Variants in ERBB4 observed in about 807,000 individuals in gnomAD.
ERBB4 encodes receptor tyrosine-protein kinase erbB-4.
In ERBB4, 42 loss-of-function variants were observed where a neutral mutation model predicts 158.0. The observed-to-expected ratio is 0.27, with a 90% CI of 0.21 to 0.34. ERBB4 has a LOEUF of 0.34. Among genes scored for constraint, ERBB4 ranks in the 10% least tolerant of loss-of-function variants. ERBB4 has a pLI of 1.00. For missense variants in ERBB4, 1,333 were observed against 1,624.1 expected, an observed-to-expected ratio of 0.82 and a Z score of 3.08; for synonymous variants, 583 against 558.7, an observed-to-expected ratio of 1.04 and a Z score of -0.61.
chr2:212,088,660 T>G (rs2078685814), intron 2 of ERBB4, among the ~76,000 whole-genome samples: 1 of 152,082 alleles, frequency 6.6e-6, no homozygotes, highest in African/African-American at 2.4e-5. Flanking sequence ...CCATTGCCAG[T>G]GAGAAAGCTA....
intron 20 of ERBB4, among the ~76,000 whole-genome samples, chr2:211,508,525 G>A (rs1273183777): frequency 1.3e-5 from 2 of 152,130 alleles, no homozygotes; most frequent in Non-Finnish European, 2.9e-5. Context: ...TACACTACTG[G>A]TGGGAGTGCA....
At chr2:211,408,726 C>T (rs1046258545) in intron 25 of ERBB4, among the ~76,000 whole-genome samples, 3 of 152,260 alleles carry the variant, frequency 2.0e-5, no homozygotes, top group Middle Eastern at 3.4e-3. Flanking sequence ...ACCTGACACT[C>T]GTCTGGTATT....
intron 12 of ERBB4, among the ~76,000 whole-genome samples, chr2:211,689,368 GT>G (rs2072705529): frequency 1.3e-5 from 2 of 151,994 alleles, no homozygotes; most frequent in Non-Finnish European, 2.9e-5. Flanking sequence ...CTACTTTTTT[GT>G]TGTTGTTTTT....
intron 5 of ERBB4, among the ~76,000 whole-genome samples, chr2:211,744,078 AG>A (rs2074882741): frequency 6.6e-6 from 1 of 152,228 alleles, no homozygotes; most frequent in Non-Finnish European, 1.5e-5. Context: ...ACATTCTTTA[AG>A]TTGAATGAGT....
chr2:212,139,424 G>A (rs1242533896), intron 1 of ERBB4, among the ~76,000 whole-genome samples: 1 of 151,820 alleles, frequency 6.6e-6, no homozygotes, highest in East Asian at 1.9e-4. Context: ...TTTTATCTTA[G>A]ACAATTTGGC....
chr2:212,450,784 C>T (rs886304694), intron 1 of ERBB4, among the ~76,000 whole-genome samples: 1 of 148,366 alleles, frequency 6.7e-6, no homozygotes, highest in Non-Finnish European at 1.5e-5. Context: ...TCGATAATGA[C>T]TCCATTACAG....
intron 2 of ERBB4, among the ~76,000 whole-genome samples, chr2:212,004,840 T>C (rs2076223117): frequency 6.6e-6 from 1 of 151,980 alleles, no homozygotes; most frequent in African/African-American, 2.4e-5. Context: ...ATATTTTATA[T>C]ATGTAAAAAT....
intron 4 of ERBB4, among the ~76,000 whole-genome samples, chr2:211,786,505 A>T (rs1575146989): frequency 6.6e-6 from 1 of 152,218 alleles, no homozygotes; most frequent in South Asian, 2.1e-4. Flanking sequence ...AAAAAACAAT[A>T]CAGCCACAGT....
intron 1 of ERBB4, among the ~76,000 whole-genome samples, chr2:212,236,956 C>G (rs2083904162): frequency 6.6e-6 from 1 of 151,442 alleles, no homozygotes; most frequent in South Asian, 2.1e-4. Context: ...TTTTTCATGT[C>G]TCTATCTTCT....
chr2:211,661,420 G>A (rs4422103), intron 15 of ERBB4, among the ~76,000 whole-genome samples: 119,004 of 152,014 alleles, frequency 0.78, 47,355 homozygotes, highest in African/African-American at 0.86. Flanking sequence ...GTTTCAAAGT[G>A]GAATACTTAT....
chr2:211,382,618 C>T lies in ERBB4; in HGVS notation c.*997G>A, dbSNP rs1340924768. On this transcript the variant is annotated 3_prime_UTR_variant, in exon 28 of 28. Coordinates refer to ENST00000342788, the MANE Select transcript of ERBB4 (RefSeq NM_005235.3). ...TTCAATGGATTCCCTCATTGGGCCA[C>T]CCCTGAAAGTATCAGTAGTTTTCCT... 1.3e-5 allele frequency: 3 copies of T among 232,802 alleles called. No homozygotes were observed. The highest frequency in any genetic ancestry group is 2.5e-5 in the Non-Finnish European group (3 of 117,756). 14.4% of individuals were successfully genotyped at this position (232,802 alleles called of 1,614,324 possible).
rs71409856 is a variant in ERBB4, at chr2:211,701,756, CAAAAA to C, written c.1489+206_1489+210del. On this transcript the variant is annotated intron_variant, in intron 12 of 27. Transcript: ENST00000342788. ...GGGGCAACAGAGCGAGACTCCGTCT[CAAAAA>C]AAAAAAAAAAAAAAAAAAAAAAAGA... 2.4e-3 allele frequency among the ~76,000 whole-genome samples: 159 copies of C among 66,630 alleles called. 2 individuals carry two copies. Among genetic ancestry groups the C allele is most frequent in the Middle Eastern group, 0.011 (1 of 88 alleles). The allele number at this position is 66,630 out of a possible 152,430, so 43.7% of individuals were successfully genotyped here. A position where few individuals can be genotyped will look rare whatever the true frequency, so the allele number is the denominator to read the frequency against.
intron 1 of ERBB4, among the ~76,000 whole-genome samples, chr2:212,413,036 C>T (rs1233275999): frequency 1.3e-5 from 2 of 151,416 alleles, no homozygotes; most frequent in Non-Finnish European, 2.9e-5. Context: ...GGTGCGATCT[C>T]GGCTCACTGC....
chr2:212,336,000 C>T (rs1201469100), intron 1 of ERBB4, among the ~76,000 whole-genome samples: 1 of 151,882 alleles, frequency 6.6e-6, no homozygotes, highest in Non-Finnish European at 1.5e-5. Context: ...ACTAAATAAA[C>T]ATTTATTCAA....
intron 20 of ERBB4, among the ~76,000 whole-genome samples, chr2:211,515,912 A>ATATATATATATTT (rs35696520): frequency 7.6e-5 from 6 of 78,982 alleles, no homozygotes; most frequent in African/African-American, 3.4e-4. Flanking sequence ...ATATATATAT[A>ATATATATATATTT]TTTTTTTTTT....
intron 2 of ERBB4, among the ~76,000 whole-genome samples, chr2:212,101,833 C>T (rs72937800): frequency 0.034 from 5,085 of 151,740 alleles, 122 homozygotes; most frequent in South Asian, 0.051. Context: ...CCGCTGGAAG[C>T]TTATTCAGTG....
At chr2:212,006,443 T>A (rs1175491709) in intron 2 of ERBB4, among the ~76,000 whole-genome samples, 1 of 152,122 alleles carries the variant, frequency 6.6e-6, no homozygotes. Context: ...TTTCTAGTTA[T>A]AGTCTCCTTG....
At chr2:211,828,466 T>A (rs988713614) in intron 3 of ERBB4, among the ~76,000 whole-genome samples, 5 of 152,068 alleles carry the variant, frequency 3.3e-5, no homozygotes, top group African/African-American at 1.2e-4. Context: ...CCTAGAATTC[T>A]TCTAGGGTCA....
chr2:211,391,641 G>A (rs1024178241), intron 25 of ERBB4, among the ~76,000 whole-genome samples: 2 of 152,070 alleles, frequency 1.3e-5, no homozygotes, highest in Non-Finnish European at 2.9e-5. Context: ...TTAAAGAGAA[G>A]GCAAGTATCA....
Sources: gnomAD v4.1 joint callset for allele counts (sites outside exome capture counted in the v4.1 genomes callset) on GRCh38, gnomAD v4.1.1 for gene constraint, MANE v1.5 for transcripts, NCBI Gene and HGNC (gene_info 2026-07-23, HGNC 2026-07-21) for gene names.